Variants in EPB41L4B observed in about 807,000 individuals in gnomAD.
EPB41L4B encodes the protein band 4.1-like protein 4B.
A neutral mutation model predicts 112.5 loss-of-function variants in EPB41L4B; 30 were observed. The ratio of observed to expected loss-of-function variants is 0.27; its 90% CI spans 0.20 to 0.36. EPB41L4B has a LOEUF of 0.36. EPB41L4B is among the 10% of genes least tolerant of loss of function. The pLI, the probability that EPB41L4B is intolerant of heterozygous loss-of-function variation, is 1.00. For synonymous variants in EPB41L4B, 408 were observed against 439.7 expected, an observed-to-expected ratio of 0.93 and a Z score of 0.90; for missense variants, 1,024 against 1,133.3, an observed-to-expected ratio of 0.90 and a Z score of 1.38.
intron 1 of EPB41L4B, among the ~76,000 whole-genome samples, chr9:109,302,881 A>G (rs1481886400): frequency 6.6e-6 from 1 of 152,096 alleles, no homozygotes; most frequent in Non-Finnish European, 1.5e-5. Flanking sequence ...CAAACATAAG[A>G]GACAGTGTAA....
rs984761706 is a variant in EPB41L4B at position 109,176,468 on chromosome 9, G to A, written c.2633+83C>T. The A allele has an allele frequency of 1.3e-5, 18 of 1,425,438 alleles. No individual in the cohort carries two copies. The Admixed American group carries it at 2.6e-4, about 20-fold the overall frequency. 88.3% of individuals were successfully genotyped at this position (1,425,438 alleles called of 1,614,324 possible). On this transcript the variant is annotated intron_variant, in intron 25 of 25. Transcript: ENST00000374566. ...GAAAGAATGTAGGAAAGGCCTGTAC[G>A]TGTCACAAACACAATGAACCTAGAG...
chr9:109,229,343 G>T (rs996222020), intron 15 of EPB41L4B, among the ~76,000 whole-genome samples: 4 of 152,312 alleles, frequency 2.6e-5, no homozygotes, highest in African/African-American at 9.6e-5. Flanking sequence ...TTAACAGAAT[G>T]CCCATGTCTG....
At chr9:109,250,810 G>A (rs1250334593) in intron 13 of EPB41L4B, among the ~76,000 whole-genome samples, 2 of 152,146 alleles carry the variant, frequency 1.3e-5, no homozygotes, top group African/African-American at 4.8e-5. Flanking sequence ...TATACCCCTT[G>A]GGCCAAATCT....
At chr9:109,221,357 T>G (rs982420035) in intron 15 of EPB41L4B, among the ~76,000 whole-genome samples, 1 of 152,194 alleles carries the variant, frequency 6.6e-6, no homozygotes, top group Non-Finnish European at 1.5e-5. Flanking sequence ...GCAAATATGT[T>G]GAAAATAATA....
chr9:109,205,089 T>C (rs1195008664), intron 18 of EPB41L4B, among the ~76,000 whole-genome samples: 1 of 152,186 alleles, frequency 6.6e-6, no homozygotes, highest in Non-Finnish European at 1.5e-5. Context: ...CAGGCTTCTT[T>C]CCTGCAGGAC....
chr9:109,176,420 C>T, intron 25 of EPB41L4B, 131 bp downstream of exon 25: 1 of 1,092,476 alleles, frequency 9.2e-7, no homozygotes. Context: ...ATAGACATTT[C>T]AATAAATACT....
chr9:109,267,051 ACT>A (rs1240000614), intron 4 of EPB41L4B, among the ~76,000 whole-genome samples: 2 of 151,706 alleles, frequency 1.3e-5, no homozygotes, highest in Non-Finnish European at 2.9e-5. Flanking sequence ...TGCTATAATT[ACT>A]CTGTTTTTCT....
intron 15 of EPB41L4B, among the ~76,000 whole-genome samples, chr9:109,223,067 C>T (rs547129495): frequency 2.4e-4 from 36 of 152,286 alleles, no homozygotes; most frequent in Admixed American, 1.2e-3. Flanking sequence ...CCTAATCCCA[C>T]ATGTACCCCC....
intron 15 of EPB41L4B, among the ~76,000 whole-genome samples, chr9:109,238,530 T>C (rs1834233777): frequency 6.6e-6 from 1 of 152,204 alleles, no homozygotes; most frequent in Non-Finnish European, 1.5e-5. Context: ...GAGCACCTGC[T>C]ATCTGTCAGG....
intron 22 of EPB41L4B, among the ~76,000 whole-genome samples, chr9:109,189,007 T>C (rs1044312742): frequency 1.3e-5 from 2 of 152,134 alleles, no homozygotes; most frequent in Non-Finnish European, 2.9e-5. Flanking sequence ...AATGCATCAA[T>C]GTACCCTCCC....
At chr9:109,304,966 T>C (rs1279334571) in intron 1 of EPB41L4B, among the ~76,000 whole-genome samples, 1 of 152,040 alleles carries the variant, frequency 6.6e-6, no homozygotes, top group Non-Finnish European at 1.5e-5. Context: ...GTAATGATGG[T>C]TTCTCAACAA....
intron 1 of EPB41L4B, among the ~76,000 whole-genome samples, chr9:109,296,865 A>G (rs1309369209): frequency 3.5e-5 from 5 of 144,284 alleles, no homozygotes; most frequent in Non-Finnish European, 6.0e-5. Context: ...GAACGAGGCC[A>G]TGTCTCAAAA....
intron 14 of EPB41L4B, among the ~76,000 whole-genome samples, chr9:109,246,440 A>G (rs1834562711): frequency 6.6e-6 from 1 of 152,088 alleles, no homozygotes; most frequent in Non-Finnish European, 1.5e-5. Flanking sequence ...GATTACACGC[A>G]TGAGCCACTG....
intron 22 of EPB41L4B, among the ~76,000 whole-genome samples, chr9:109,191,686 T>C (rs896110919): frequency 6.6e-6 from 1 of 152,120 alleles, no homozygotes. Context: ...TCTAAGGGAA[T>C]CTCATCACTC....
At chr9:109,207,190 A>G (rs1006208001) in intron 18 of EPB41L4B, among the ~76,000 whole-genome samples, 3 of 152,130 alleles carry the variant, frequency 2.0e-5, no homozygotes, top group African/African-American at 4.8e-5. Context: ...TCCCTCAGCT[A>G]TAGGGATGGA....
chr9:109,235,404 T>C (rs954128577), intron 15 of EPB41L4B, among the ~76,000 whole-genome samples: 16 of 147,888 alleles, frequency 1.1e-4, no homozygotes, highest in Non-Finnish European at 2.4e-4. Flanking sequence ...TTTTTTTTTT[T>C]TTTTTTTTTT....
At chr9:109,259,134 C>A (rs1266850481) in intron 6 of EPB41L4B, among the ~76,000 whole-genome samples, 1 of 152,194 alleles carries the variant, frequency 6.6e-6, no homozygotes, top group Non-Finnish European at 1.5e-5. Context: ...ACCAATAGTA[C>A]TGCCATCCCC....
At chr9:109,230,444 A>G (rs1238671745) in intron 15 of EPB41L4B, among the ~76,000 whole-genome samples, 1 of 152,188 alleles carries the variant, frequency 6.6e-6, no homozygotes, top group Non-Finnish European at 1.5e-5. Flanking sequence ...CAGACATTGC[A>G]TTTTTGGACA....
At chr9:109,262,450 GGGGTGT>G (rs1274952436) in intron 6 of EPB41L4B, among the ~76,000 whole-genome samples, 11 of 10,128 alleles carry the variant, frequency 1.1e-3, no homozygotes, top group Non-Finnish European at 2.0e-3. Flanking sequence ...GGTGTGTGTG[GGGGTGT>G]GTGTGTGTGT....
Sources: gnomAD v4.1 joint callset for allele counts (sites outside exome capture counted in the v4.1 genomes callset) on GRCh38, gnomAD v4.1.1 for gene constraint, MANE v1.5 for transcripts, NCBI Gene and HGNC (gene_info 2026-07-23, HGNC 2026-07-21) for gene names.